RGPD8: variants seen among roughly 807,000 people sequenced by gnomAD.
The protein encoded by RGPD8 is RANBP2 like and GRIP domain containing 8.
Under a neutral mutation model 89.1 loss-of-function variants are expected in RGPD8, and 15 were observed. The ratio of observed to expected loss-of-function variants is 0.17; its 90% CI spans 0.11 to 0.26. The LOEUF is 0.26. Ranked by LOEUF, RGPD8 falls within the 10% of genes least tolerant of loss-of-function variation. The pLI, the probability that RGPD8 is intolerant of heterozygous loss-of-function variation, is 1.00. For synonymous variants in RGPD8, 62 were observed against 420.9 expected (o/e 0.15, Z 10.44); for missense variants, 178 against 1,179.6 (o/e 0.15, Z 12.44).
intron 7 of RGPD8, among the ~76,000 whole-genome samples, chr2:112,411,384 C>A: frequency 7.0e-6 from 1 of 142,992 alleles, no homozygotes; most frequent in South Asian, 2.3e-4. Flanking sequence ...CTGGCTACCA[C>A]GGTGAAACCC....
At chr2:112,415,712 CAAA>C (rs1228042690) in intron 6 of RGPD8, among the ~76,000 whole-genome samples, 4,707 of 85,928 alleles carry the variant, frequency 0.055, 2 homozygotes, top group Middle Eastern at 0.11. Context: ...GACTCTGTCT[CAAA>C]AAAAAAAAAA....
At position 112,433,433 on chromosome 2, in the gene RGPD8, A is replaced by C. The variant is rs13021601; in HGVS notation, c.21T>G (p.Asp7Glu). Reference sequence around the variant, plus strand: ...GCACCGAGGCGACGTACCGCTCCACATCGGCCTTGCTGCGCCTCATCGCGC... The same window carrying C: ...GCACCGAGGCGACGTACCGCTCCACCTCGGCCTTGCTGCGCCTCATCGCGC... MRRSKA[D>E]VERYVASVLG... The change falls in exon 1 of 23, where the codon GAT becomes GAG. Residue 7 changes from aspartate (D) to glutamate (E), a missense_variant. Physicochemically the swap from Asp to Glu is conservative, Grantham distance 45 (BLOSUM62 2). Transcript: ENST00000302558. 0.14 allele frequency: 224,318 copies of C among 1,608,736 alleles called. 17,091 individuals are homozygous for C. The highest frequency in any genetic ancestry group is 0.15 in the Non-Finnish European group (181,308 of 1,178,398).
intron 9 of RGPD8, among the ~76,000 whole-genome samples, chr2:112,402,407 C>T (rs1444696910): frequency 2.1e-5 from 3 of 144,608 alleles, no homozygotes; most frequent in Non-Finnish European, 4.6e-5. Flanking sequence ...CTTGGGAGGC[C>T]GAGGCAAGAC....
At chr2:112,379,261 AAAG>A (rs1678193764) in intron 21 of RGPD8, among the ~76,000 whole-genome samples, 1 of 151,808 alleles carries the variant, frequency 6.6e-6, no homozygotes, top group Admixed American at 6.6e-5. Context: ...AAGTGACAAT[AAAG>A]AAGACGAAGA....
At chr2:112,424,076 T>C (rs1679656570) in intron 2 of RGPD8, among the ~76,000 whole-genome samples, 164 bp downstream of exon 2, 1 of 152,210 alleles carries the variant, frequency 6.6e-6, no homozygotes, top group Admixed American at 6.5e-5. Flanking sequence ...TCAATCTCAA[T>C]GGAATCTAGG....
At chr2:112,395,721 AT>A (rs1216382967) in intron 17 of RGPD8, among the ~76,000 whole-genome samples, 3 of 139,204 alleles carry the variant, frequency 2.2e-5, no homozygotes, top group African/African-American at 7.8e-5. Flanking sequence ...TAGGTAAACA[AT>A]ATTAGCTCCT....
intron 18 of RGPD8, chr2:112,392,980 T>C (rs2104788728): frequency 1.7e-6 from 1 of 582,982 alleles, no homozygotes; most frequent in East Asian, 2.8e-5. Context: ...TGTTCAGTAC[T>C]TCTGAGTATC....
intron 1 of RGPD8, 86 bp downstream of exon 1, chr2:112,433,296 G>C: frequency 6.9e-7 from 1 of 1,447,018 alleles, no homozygotes; most frequent in Non-Finnish European, 9.2e-7. Context: ...CATGACCCCT[G>C]ACCCATCGAG....
chr2:112,432,143 C>G (rs531067326), intron 1 of RGPD8, among the ~76,000 whole-genome samples: 1 of 152,344 alleles, frequency 6.6e-6, no homozygotes, highest in East Asian at 1.9e-4. Flanking sequence ...CCAAAGCAAA[C>G]TGACTCAAGA....
intron 6 of RGPD8, among the ~76,000 whole-genome samples, chr2:112,415,425 GC>G (rs1298350579): frequency 1.3e-5 from 2 of 151,078 alleles, no homozygotes; most frequent in African/African-American, 2.5e-5. Flanking sequence ...GGTGGCACCA[GC>G]TTTTTATCTT....
intron 22 of RGPD8, among the ~76,000 whole-genome samples, chr2:112,371,412 A>G (rs1212208007): frequency 5.7e-5 from 1 of 17,582 alleles, no homozygotes; most frequent in African/African-American, 2.2e-4. Context: ...CACTGTACAT[A>G]GTATTTTGAG....
At chr2:112,416,273 A>G (rs375303884) in intron 6 of RGPD8, among the ~76,000 whole-genome samples, 63 of 152,230 alleles carry the variant, frequency 4.1e-4, no homozygotes, top group African/African-American at 1.4e-3. Context: ...GTTCTTTTAG[A>G]TACTGCTCTT....
At chr2:112,413,657 A>T (rs1189291515) in intron 6 of RGPD8, among the ~76,000 whole-genome samples, 1 of 138,074 alleles carries the variant, frequency 7.2e-6, no homozygotes, top group African/African-American at 2.9e-5. Context: ...ACCAAAAAAA[A>T]TTTATATATT....
chr2:112,433,035 G>A (rs1680122095), intron 1 of RGPD8, among the ~76,000 whole-genome samples: 1 of 85,154 alleles, frequency 1.2e-5, no homozygotes, highest in Non-Finnish European at 3.1e-5. Context: ...CTGACCCATC[G>A]AGGCCGCCCC....
At chr2:112,419,697 A>G (rs1441897117) in intron 4 of RGPD8, among the ~76,000 whole-genome samples, 105 of 148,244 alleles carry the variant, frequency 7.1e-4, no homozygotes, top group African/African-American at 2.5e-3. Flanking sequence ...ACACTGCAAG[A>G]AAAGAATCTC....
intron 1 of RGPD8, among the ~76,000 whole-genome samples, chr2:112,427,922 AGAG>A (rs1459211815): frequency 6.6e-6 from 1 of 152,216 alleles, no homozygotes; most frequent in Non-Finnish European, 1.5e-5. Context: ...AACAAACAAA[AGAG>A]GAGAATAAGA....
At chr2:112,416,093 A>G in intron 6 of RGPD8, among the ~76,000 whole-genome samples, 1 of 55,458 alleles carries the variant, frequency 1.8e-5, no homozygotes, top group African/African-American at 5.9e-5. Flanking sequence ...CATCTCAAAA[A>G]AAAAAAAAAA....
chr2:112,399,579 A>C, intron 14 of RGPD8, 53 bp downstream of exon 14: 4 of 1,386,060 alleles, frequency 2.9e-6, no homozygotes, highest in South Asian at 1.3e-5. Flanking sequence ...TCTTTTAAAA[A>C]AAATAATAAA....
intron 1 of RGPD8, 75 bp from the exon 2 acceptor site, chr2:112,424,382 C>G (rs1178808721): frequency 3.6e-6 from 5 of 1,391,882 alleles, no homozygotes; most frequent in Non-Finnish European, 4.0e-6. Flanking sequence ...GTAGTTAAAG[C>G]CTGACAAATG....
Sources: gnomAD v4.1 joint callset for allele counts (sites outside exome capture counted in the v4.1 genomes callset) on GRCh38, gnomAD v4.1.1 for gene constraint, MANE v1.5 for transcripts, NCBI Gene and HGNC (gene_info 2026-07-23, HGNC 2026-07-21) for gene names.